Variants in CEPT1 observed in about 807,000 individuals in gnomAD.
CEPT1 encodes choline/ethanolamine phosphotransferase 1.
A neutral mutation model predicts 42.6 loss-of-function variants in CEPT1; 7 were observed. The ratio of observed to expected loss-of-function variants is 0.16; its 90% CI spans 0.09 to 0.31. CEPT1 has a LOEUF of 0.31. Ranked by LOEUF, CEPT1 falls within the 10% of genes least tolerant of loss-of-function variation. The pLI is 1.00. For missense variants in CEPT1, 306 were observed against 502.1 expected (o/e 0.61, Z 3.73); for synonymous variants, 171 against 171.9 (o/e 0.99, Z 0.04).
At chr1:111,141,629 G>A (rs1291917379) in intron 1 of CEPT1, among the ~76,000 whole-genome samples, 4 of 152,098 alleles carry the variant, frequency 2.6e-5, no homozygotes, top group African/African-American at 9.7e-5. Flanking sequence ...GGGGAAGAAA[G>A]TGATTTCCTC....
chr1:111,180,585 G>C (rs1656922836), intron 5 of CEPT1: 1 of 152,176 alleles, frequency 6.6e-6, no homozygotes, highest in African/African-American at 2.4e-5. Context: ...GAACTAGGTT[G>C]ACCTAGTTAA....
chr1:111,160,356 T>C (rs973010084), intron 3 of CEPT1: 1 of 152,220 alleles, frequency 6.6e-6, no homozygotes, highest in African/African-American at 2.4e-5. Flanking sequence ...TCTCAATTAT[T>C]TTCTTGTTTG....
Position 111,171,327 on chromosome 1 carries a change from A to C in CEPT1, c.630-3552A>C, listed in dbSNP as rs74689024. Among the ~76,000 whole-genome samples the C allele has an allele frequency of 6.0e-3, 919 of 152,284 alleles. 11 individuals are homozygous for C. The highest frequency in any genetic ancestry group is 0.021 in the African/African-American group (868 of 41,546). On this transcript the variant is annotated intron_variant, in intron 4 of 8. Coordinates refer to ENST00000357172, the MANE Select transcript of CEPT1 (RefSeq NM_006090.5). ...AACTGCCTTGATCAGGGAGTTTTCT[A>C]AGCTTTTTGTAGTGACGAAGACCTC...
intron 2 of CEPT1, among the ~76,000 whole-genome samples, chr1:111,157,238 G>A (rs555902131): frequency 3.9e-5 from 6 of 152,248 alleles, no homozygotes; most frequent in African/African-American, 1.4e-4. Flanking sequence ...CTAGGATTGT[G>A]TATATACTAG....
intron 4 of CEPT1, among the ~76,000 whole-genome samples, chr1:111,168,286 G>A (rs325889): frequency 6.6e-6 from 1 of 151,894 alleles, no homozygotes; most frequent in South Asian, 2.1e-4. Context: ...GAAAAAATAG[G>A]GCTTAGATTC....
chr1:111,182,247 A>G lies in CEPT1; in HGVS notation c.775A>G (p.Ile259Val), dbSNP rs773998748. The G allele has an allele frequency of 1.3e-5, 21 of 1,612,946 alleles. No homozygotes were observed. In the East Asian group the frequency reaches 4.2e-4, roughly 33 times the overall value. The change falls in exon 6 of 9, where the codon ATA (isoleucine) becomes GTA (valine). Residue 259 changes from isoleucine to valine, a missense_variant. By Grantham distance (29) the Ile-to-Val change is conservative (BLOSUM62 3). Transcript: ENST00000357172. ...TGCACTTTGTACTGTAGCAGGGACC[A>G]TATTTTCCTGTACAAATTACTTCCG... The part of the protein sequence containing the change: ...FPALCTVAGT[I>V]FSCTNYFRVI...
chr1:111,165,752 A>G lies in CEPT1; in HGVS notation c.629+4456A>G, dbSNP rs529327487. On this transcript the variant is annotated intron_variant, in intron 4 of 8. Transcript: ENST00000357172. ...CTAAAGTTTCACATTTATATTAGCT[A>G]AAAACCCTGTCACCAAATGTTTATT... Among the ~76,000 whole-genome samples the G allele has an allele frequency of 2.6e-5, 4 of 152,332 alleles. No homozygotes were observed. The South Asian group carries it at 8.3e-4, about 32-fold the overall frequency.
chr1:111,165,504 A>G (rs982124151), intron 4 of CEPT1, among the ~76,000 whole-genome samples: 3 of 152,166 alleles, frequency 2.0e-5, no homozygotes, highest in African/African-American at 7.2e-5. Flanking sequence ...GTTAATCTCT[A>G]AGTTATCTTT....
At chr1:111,183,914 A>G (rs1657121424) in intron 8 of CEPT1, among the ~76,000 whole-genome samples, 1 of 152,176 alleles carries the variant, frequency 6.6e-6, no homozygotes, top group South Asian at 2.1e-4. Flanking sequence ...GAACACAGCT[A>G]TGGCCACTCA....
At chr1:111,173,686 C>A (rs1439173548) in intron 4 of CEPT1, among the ~76,000 whole-genome samples, 1 of 151,604 alleles carries the variant, frequency 6.6e-6, no homozygotes, top group African/African-American at 2.4e-5. Flanking sequence ...TACTATACTC[C>A]CCAATAGGTA....
At chr1:111,166,269 C>T (rs1298691554) in intron 4 of CEPT1, among the ~76,000 whole-genome samples, 1 of 152,196 alleles carries the variant, frequency 6.6e-6, no homozygotes, top group Non-Finnish European at 1.5e-5. Flanking sequence ...ATCTCATTAG[C>T]ATTCCTCAGT....
At chr1:111,176,422 G>T (rs1410260760) in intron 5 of CEPT1, among the ~76,000 whole-genome samples, 3 of 151,978 alleles carry the variant, frequency 2.0e-5, no homozygotes, top group Non-Finnish European at 4.4e-5. Context: ...CTTGACTATG[G>T]TGATTATTAT....
At position 111,147,912 on chromosome 1, in the gene CEPT1, C is replaced by G. The variant is rs555341351; in HGVS notation, c.198C>G (p.Pro66=). The G allele has an allele frequency of 1.9e-6, 3 of 1,614,050 alleles. No individual in the cohort carries two copies. The African/African-American group carries it at 4.0e-5, about 22-fold the overall frequency. The change falls in exon 2 of 9, where the codon CCC becomes CCG. Residue 66 remains proline, a synonymous_variant. Coordinates refer to ENST00000357172, the MANE Select transcript of CEPT1 (RefSeq NM_006090.5). The part of the protein sequence containing the change: ...YQSAGRSLLE[P]LMQGYWEWLV... ...GTGCTGGACGGTCCCTGCTTGAGCC[C>G]TTAATGCAAGGGTATTGGGAATGGC...
intron 1 of CEPT1, among the ~76,000 whole-genome samples, chr1:111,145,102 G>A (rs919056362): frequency 6.6e-6 from 1 of 151,366 alleles, no homozygotes; most frequent in Non-Finnish European, 1.5e-5. Context: ...TGCAACCTTC[G>A]CCTCCTGGGG....
intron 2 of CEPT1, among the ~76,000 whole-genome samples, chr1:111,149,901 A>T (rs911883406): frequency 6.6e-6 from 1 of 152,222 alleles, no homozygotes; most frequent in Non-Finnish European, 1.5e-5. Context: ...ATATCAGGTA[A>T]TGTGTTCCCC....
In CEPT1 at chr1:111,146,981, C is replaced by T. The variant is rs180829255; in HGVS notation, c.-73-661C>T. 1.9e-4 allele frequency among the ~76,000 whole-genome samples: 29 copies of T among 151,796 alleles called. No homozygotes were observed. The East Asian group carries it at 5.1e-3, about 26-fold the overall frequency. On this transcript the variant is annotated intron_variant, in intron 1 of 8. Transcript: ENST00000357172. ...AAACCCTGTGTTTGTTTGAATACTA[C>T]TTGGTTTAGTTTAAACAGAAAACCT...
chr1:111,156,899 A>G (rs1377681845), intron 2 of CEPT1, among the ~76,000 whole-genome samples: 1 of 152,176 alleles, frequency 6.6e-6, no homozygotes, highest in Non-Finnish European at 1.5e-5. Flanking sequence ...TCTCTGCAAG[A>G]TTTTACAAGT....
chr1:111,176,466 C>A (rs1207259304), intron 5 of CEPT1, among the ~76,000 whole-genome samples: 1 of 152,044 alleles, frequency 6.6e-6, no homozygotes, highest in African/African-American at 2.4e-5. Flanking sequence ...GTTTTCCCCC[C>A]AAAATTATTT....
chr1:111,175,811 A>G (rs1372899573), intron 5 of CEPT1, among the ~76,000 whole-genome samples: 2 of 151,862 alleles, frequency 1.3e-5, no homozygotes, highest in Non-Finnish European at 2.9e-5. Flanking sequence ...CATGGTATGT[A>G]CTCCCCTGGT....
Sources: gnomAD v4.1 joint callset for allele counts (sites outside exome capture counted in the v4.1 genomes callset) on GRCh38, gnomAD v4.1.1 for gene constraint, MANE v1.5 for transcripts, NCBI Gene and HGNC (gene_info 2026-07-23, HGNC 2026-07-21) for gene names.